NREP: variants seen among roughly 807,000 people sequenced by gnomAD.
The protein encoded by NREP is neuronal regeneration related protein.
In NREP, 5 loss-of-function variants were observed where a neutral mutation model predicts 8.6. That is an observed-to-expected ratio of 0.58 (90% CI 0.30 to 1.22). NREP has a LOEUF of 1.22. Ranked by LOEUF, NREP falls within the 50% of genes most tolerant of loss-of-function variation. The probability of loss-of-function intolerance (pLI) is 0.07; values close to 1 mark genes in which losing one functional copy is unlikely to be tolerated. For synonymous variants in NREP, 27 were observed against 28.0 expected (o/e 0.96, Z 0.11); for missense variants, 86 against 82.5 (o/e 1.04, Z -0.17).
chr5:111,953,397 C>CT (rs1419445045), intron 2 of NREP, among the ~76,000 whole-genome samples: 1 of 152,062 alleles, frequency 6.6e-6, no homozygotes, highest in East Asian at 1.9e-4. Flanking sequence ...GAGGCTATAA[C>CT]TTTTTTTCCC....
intron 2 of NREP, among the ~76,000 whole-genome samples, chr5:111,774,801 T>A (rs973066320): frequency 2.0e-5 from 3 of 152,226 alleles, no homozygotes; most frequent in Admixed American, 2.0e-4. Flanking sequence ...TTCTGATTTC[T>A]ACCTTGTAAG....
intron 2 of NREP, among the ~76,000 whole-genome samples, chr5:111,833,386 T>G (rs1752820001): frequency 6.6e-6 from 1 of 152,234 alleles, no homozygotes; most frequent in Admixed American, 6.5e-5. Context: ...GGCATTTAGG[T>G]CAGTCTCAAT....
rs748578083 is a variant in NREP at position 111,800,900 on chromosome 5, A to G, written c.136-65393T>C. On this transcript the variant is annotated intron_variant, in intron 2 of 3. Coordinates refer to the NREP transcript ENST00000395634. ...TAGTCCTCAAGTAAGAGGACTTGACAGCACCATTTGTCACATATAGTTCAT... is the reference window on the plus strand; with the variant it reads ...TAGTCCTCAAGTAAGAGGACTTGACGGCACCATTTGTCACATATAGTTCAT... Among the ~76,000 whole-genome samples the G allele has an allele frequency of 3.9e-5, 6 of 152,234 alleles. No individual in the cohort carries two copies. In the East Asian group the frequency reaches 9.6e-4, roughly 24 times the overall value.
chr5:111,859,455 G>A (rs1451227911), intron 2 of NREP, among the ~76,000 whole-genome samples: 1 of 152,170 alleles, frequency 6.6e-6, no homozygotes, highest in Non-Finnish European at 1.5e-5. Context: ...AGAGATGAGA[G>A]TGTGCCAGGG....
intron 2 of NREP, among the ~76,000 whole-genome samples, chr5:111,817,416 T>C (rs1239321914): frequency 6.6e-6 from 1 of 152,206 alleles, no homozygotes; most frequent in East Asian, 1.9e-4. Flanking sequence ...TTCTGAAGTT[T>C]TTGTCAATCA....
At chr5:111,890,943 A>T (rs993863266) in intron 2 of NREP, among the ~76,000 whole-genome samples, 1 of 152,180 alleles carries the variant, frequency 6.6e-6, no homozygotes, top group Non-Finnish European at 1.5e-5. Flanking sequence ...TAATTATGCA[A>T]ATTTCTCTAG....
At chr5:111,869,248 C>T (rs74514092) in intron 2 of NREP, among the ~76,000 whole-genome samples, 7,688 of 152,184 alleles carry the variant, frequency 0.051, 478 homozygotes, top group East Asian at 0.23. Flanking sequence ...AGGAAGCAAG[C>T]GAAGCCTAGA....
At chr5:111,833,417 G>A (rs986600749) in intron 2 of NREP, among the ~76,000 whole-genome samples, 1 of 152,198 alleles carries the variant, frequency 6.6e-6, no homozygotes, top group East Asian at 1.9e-4. Context: ...GGGTTGTTAT[G>A]AATGACAGAA....
chr5:111,763,366 A>G (rs1378715799), intron 2 of NREP, among the ~76,000 whole-genome samples: 1 of 152,240 alleles, frequency 6.6e-6, no homozygotes, highest in Non-Finnish European at 1.5e-5. Flanking sequence ...ACTCTATAAA[A>G]TATGATGAAC....
In NREP at chr5:111,955,901, A is replaced by G. The variant is rs886102044; in HGVS notation, c.135+19373T>C. Among the ~76,000 whole-genome samples the G allele has an allele frequency of 5.5e-5, 6 of 109,930 alleles. No individual in the cohort carries two copies. In the South Asian group the frequency reaches 1.0e-3, roughly 19 times the overall value. 72.1% of individuals were successfully genotyped at this position (109,930 alleles called of 152,430 possible). ...AACTAAAAATCTCATTCCTGTAGTG[A>G]AAAAAAAAAAAACAAAAACGTTGGG... On this transcript the variant is annotated intron_variant, in intron 2 of 3. Transcript: ENST00000395634.
intron 2 of NREP, among the ~76,000 whole-genome samples, chr5:111,824,680 T>A (rs1194879900): frequency 6.6e-6 from 1 of 152,328 alleles, no homozygotes; most frequent in Non-Finnish European, 1.5e-5. Flanking sequence ...GTCTATTACA[T>A]TCCTAATTTG....
chr5:111,787,160 T>C (rs537964208), intron 2 of NREP, among the ~76,000 whole-genome samples: 6 of 152,250 alleles, frequency 3.9e-5, no homozygotes, highest in African/African-American at 1.4e-4. Context: ...TCCTCCCACA[T>C]CCCAACAGGT....
chr5:111,867,862 C>T (rs1753703428), intron 2 of NREP, among the ~76,000 whole-genome samples: 1 of 151,696 alleles, frequency 6.6e-6, no homozygotes, highest in Non-Finnish European at 1.5e-5. Context: ...CCATTTTAAC[C>T]AGTTCAAACT....
intron 2 of NREP, among the ~76,000 whole-genome samples, chr5:111,916,688 T>C (rs867199405): frequency 3.3e-5 from 5 of 152,170 alleles, no homozygotes; most frequent in African/African-American, 1.2e-4. Context: ...TTCAGTTTCC[T>C]CAAATGTATC....
At chr5:111,829,807 C>A (rs1029142136) in intron 2 of NREP, among the ~76,000 whole-genome samples, 2 of 152,044 alleles carry the variant, frequency 1.3e-5, no homozygotes, top group Non-Finnish European at 2.9e-5. Context: ...TTTATCCAAC[C>A]CATTCCTAGC....
Position 111,754,173 on chromosome 5 carries a change from C to CA in NREP, c.3+1596dup, listed in dbSNP as rs745663903. The stretch of plus-strand genomic sequence containing the variant: ...TGCCACCATACATAAACGACAACTG[C>CA]AAAAAAATTAACACGTAATAATAAT... On this transcript the variant is annotated intron_variant, in intron 2 of 3. Transcript: ENST00000257435. Among the ~76,000 whole-genome samples the CA allele has an allele frequency of 3.9e-5, 6 of 152,220 alleles. No individual in the cohort carries two copies. The East Asian group carries it at 1.2e-3, about 29-fold the overall frequency.
chr5:111,744,903 T>C (rs1313031039), intron 2 of NREP, among the ~76,000 whole-genome samples: 4 of 152,252 alleles, frequency 2.6e-5, no homozygotes, highest in East Asian at 1.9e-4. Flanking sequence ...ACCTCAACCA[T>C]AGATTTTTCC....
chr5:111,828,187 T>A (rs1202508205), intron 2 of NREP, among the ~76,000 whole-genome samples: 1 of 152,134 alleles, frequency 6.6e-6, no homozygotes, highest in Non-Finnish European at 1.5e-5. Context: ...TGTGCCATCA[T>A]GCCCAGCTAA....
At chr5:111,950,804 A>AGC (rs1756136424) in intron 2 of NREP, among the ~76,000 whole-genome samples, 2 of 152,162 alleles carry the variant, frequency 1.3e-5, no homozygotes, top group East Asian at 3.9e-4. Flanking sequence ...CATGAAAAAA[A>AGC]GCTCATCATC....
Sources: gnomAD v4.1 joint callset for allele counts (sites outside exome capture counted in the v4.1 genomes callset) on GRCh38, gnomAD v4.1.1 for gene constraint, MANE v1.5 for transcripts, NCBI Gene and HGNC (gene_info 2026-07-23, HGNC 2026-07-21) for gene names.